The following ZNF385D variants were observed in gnomAD, a reference collection of about 807,000 sequenced individuals.
The protein encoded by ZNF385D is zinc finger protein 659.
Under a neutral mutation model 35.8 loss-of-function variants are expected in ZNF385D, and 15 were observed. That is an observed-to-expected ratio of 0.42 (90% CI 0.28 to 0.64). ZNF385D has a LOEUF of 0.64. Among genes scored for constraint, ZNF385D ranks in the 30% least tolerant of loss-of-function variants. The pLI, the probability that ZNF385D is intolerant of heterozygous loss-of-function variation, is 0.23. For missense variants in ZNF385D, 474 were observed against 494.6 expected (o/e 0.96, Z 0.39); for synonymous variants, 212 against 186.8 (o/e 1.13, Z -1.10).
chr3:21,524,982 T>C (rs897070154), intron 3 of ZNF385D, among the ~76,000 whole-genome samples: 2 of 152,148 alleles, frequency 1.3e-5, no homozygotes, highest in African/African-American at 2.4e-5. Context: ...CTGATAAATA[T>C]AGGGGAGAAA....
At chr3:21,672,319 G>C (rs2066600362) in intron 1 of ZNF385D, among the ~76,000 whole-genome samples, 1 of 148,896 alleles carries the variant, frequency 6.7e-6, no homozygotes, top group South Asian at 2.1e-4. Flanking sequence ...TCACTGACTA[G>C]GTTTCAGAAA....
intron 3 of ZNF385D, among the ~76,000 whole-genome samples, chr3:21,853,980 T>C (rs1696563699): frequency 1.3e-5 from 2 of 151,864 alleles, no homozygotes; most frequent in South Asian, 2.1e-4. Context: ...TATTCTGGGA[T>C]GATAAAATAT....
chr3:22,116,202 T>G (rs1051497996), intron 3 of ZNF385D, among the ~76,000 whole-genome samples: 2 of 152,060 alleles, frequency 1.3e-5, no homozygotes, highest in African/African-American at 2.4e-5. Context: ...AGCTCTCAAG[T>G]TATAAATTTT....
At chr3:21,572,616 T>C (rs1454970380) in intron 2 of ZNF385D, among the ~76,000 whole-genome samples, 4 of 152,200 alleles carry the variant, frequency 2.6e-5, no homozygotes, top group African/African-American at 4.8e-5. Context: ...GGGTTTTCAT[T>C]TCTGTTAAGA....
chr3:22,147,920 A>T lies in ZNF385D; in HGVS notation c.325+20897T>A, dbSNP rs757103223. 3.3e-4 allele frequency among the ~76,000 whole-genome samples: 50 copies of T among 152,206 alleles called. 1 individual carries two copies. Among genetic ancestry groups the T allele is most frequent in the Non-Finnish European group, 6.2e-4 (42 of 68,024 alleles). On this transcript the variant is annotated intron_variant, in intron 3 of 5. Coordinates refer to the ZNF385D transcript ENST00000494108. ...TGGAATCATGAGCAATCATGGCTCC[A>T]ATACAGAAAAAAAGTCGATCTAAAG...
chr3:22,231,761 T>C (rs571628292), intron 2 of ZNF385D, among the ~76,000 whole-genome samples: 14 of 152,138 alleles, frequency 9.2e-5, no homozygotes, highest in Non-Finnish European at 1.9e-4. Context: ...ACAGATCTCA[T>C]GTTCAGTTGT....
chr3:22,307,888 A>T (rs1244812294), intron 2 of ZNF385D, among the ~76,000 whole-genome samples: 1 of 152,124 alleles, frequency 6.6e-6, no homozygotes, highest in African/African-American at 2.4e-5. Flanking sequence ...AATTCAGAAT[A>T]TGTTTCTAAG....
intron 3 of ZNF385D, among the ~76,000 whole-genome samples, chr3:21,842,508 G>A (rs893359610): frequency 1.3e-5 from 2 of 151,932 alleles, no homozygotes; most frequent in African/African-American, 4.8e-5. Flanking sequence ...AGCCCCATTT[G>A]GTCGACACAG....
intron 3 of ZNF385D, among the ~76,000 whole-genome samples, chr3:21,538,980 A>T (rs2062107287): frequency 6.6e-6 from 1 of 152,134 alleles, no homozygotes; most frequent in Admixed American, 6.5e-5. Context: ...TGTATAAAAA[A>T]CCATACTGTG....
At chr3:21,952,594 T>C (rs1047141129) in intron 3 of ZNF385D, among the ~76,000 whole-genome samples, 16 of 151,988 alleles carry the variant, frequency 1.1e-4, no homozygotes, top group African/African-American at 3.4e-4. Flanking sequence ...AAAATATAGA[T>C]AATAATAAAA....
At chr3:22,255,424 C>G (rs1700267159) in intron 2 of ZNF385D, among the ~76,000 whole-genome samples, 1 of 151,816 alleles carries the variant, frequency 6.6e-6, no homozygotes, top group Non-Finnish European at 1.5e-5. Context: ...CTTACACACA[C>G]TTAACATTTT....
chr3:22,140,468 C>T lies in ZNF385D; in HGVS notation c.325+28349G>A, dbSNP rs185379505. 1.7e-4 allele frequency among the ~76,000 whole-genome samples: 26 copies of T among 152,066 alleles called. No homozygotes were observed. The East Asian group carries it at 1.7e-3, about 10-fold the overall frequency. ...TTAGGAGTAGAGCAATTGTGTATCC[C>T]GGTTGTGGGCATGGTTATGAAAATG... is the stretch of plus-strand genomic sequence containing the variant. On this transcript the variant is annotated intron_variant, in intron 3 of 5. Transcript: ENST00000494108.
intron 1 of ZNF385D, among the ~76,000 whole-genome samples, chr3:21,742,574 G>A (rs143763692): frequency 6.6e-5 from 10 of 152,252 alleles, no homozygotes; most frequent in East Asian, 1.9e-4. Flanking sequence ...ACCAATGAGC[G>A]GCAGAAGGCA....
At chr3:21,634,203 A>T (rs2065359420) in intron 2 of ZNF385D, among the ~76,000 whole-genome samples, 1 of 151,664 alleles carries the variant, frequency 6.6e-6, no homozygotes, top group African/African-American at 2.4e-5. Context: ...TCTCAAAAAA[A>T]TAGAAAGAAA....
chr3:21,863,897 C>T (rs140453514), intron 3 of ZNF385D, among the ~76,000 whole-genome samples: 52 of 152,150 alleles, frequency 3.4e-4, no homozygotes, highest in African/African-American at 9.4e-4. Context: ...AACATTAATG[C>T]GCACATGAAT....
intron 3 of ZNF385D, among the ~76,000 whole-genome samples, chr3:22,057,600 C>G (rs970853717): frequency 5.9e-5 from 9 of 151,282 alleles, no homozygotes; most frequent in Non-Finnish European, 1.2e-4. Context: ...GCCTCCATCT[C>G]CTGTGTTGAA....
intron 3 of ZNF385D, among the ~76,000 whole-genome samples, chr3:22,046,937 T>G (rs1451771716): frequency 6.6e-6 from 1 of 152,100 alleles, no homozygotes; most frequent in East Asian, 1.9e-4. Context: ...ATTAGATAAG[T>G]GGGAAATATA....
At chr3:22,047,419 C>G (rs1024435908) in intron 3 of ZNF385D, among the ~76,000 whole-genome samples, 1 of 152,066 alleles carries the variant, frequency 6.6e-6, no homozygotes, top group African/African-American at 2.4e-5. Context: ...ACTCCTCAGC[C>G]TCTAGTAACC....
At chr3:21,508,943 C>T (rs919260927) in intron 4 of ZNF385D, among the ~76,000 whole-genome samples, 29 of 149,438 alleles carry the variant, frequency 1.9e-4, no homozygotes, top group African/African-American at 6.4e-4. Context: ...AACCCATTTA[C>T]TTAACAGAGA....
Sources: allele counts gnomAD v4.1 joint callset (sites outside exome capture counted in the v4.1 genomes callset), GRCh38; gene constraint gnomAD v4.1.1; transcripts MANE v1.5; gene names NCBI Gene and HGNC (gene_info 2026-07-23, HGNC 2026-07-21).